Variants in PARD3 observed in about 807,000 individuals in gnomAD.
PARD3 encodes the protein partitioning defective 3 homolog.
Under a neutral mutation model 155.4 loss-of-function variants are expected in PARD3, and 75 were observed. The observed-to-expected ratio is 0.48, with a 90% CI of 0.40 to 0.58. The LOEUF (loss-of-function observed/expected upper bound fraction) is 0.58, where lower values mean the gene tolerates loss of function less well. PARD3 is among the 20% of genes least tolerant of loss of function. PARD3 has a pLI of 0.00. For missense variants in PARD3, 1,642 were observed against 1,721.7 expected, an observed-to-expected ratio of 0.95 and a Z score of 0.82; for synonymous variants, 576 against 610.5, an observed-to-expected ratio of 0.94 and a Z score of 0.83.
intron 1 of PARD3, among the ~76,000 whole-genome samples, chr10:34,756,473 C>CT (rs1564585614): frequency 2.1e-5 from 1 of 48,234 alleles, no homozygotes; most frequent in African/African-American, 6.5e-5. Context: ...TTTTTTTTTT[C>CT]TTATAAAAAA....
intron 5 of PARD3, among the ~76,000 whole-genome samples, chr10:34,430,356 G>A (rs1273045844): frequency 2.0e-5 from 3 of 152,136 alleles, no homozygotes; most frequent in Non-Finnish European, 4.4e-5. Context: ...ACTATTGTAC[G>A]TAATTTACTT....
rs147639874 is a variant in PARD3 at position 34,560,722 on chromosome 10, G to A, written c.223-43563C>T. ...TAATTTGGGGAGATGGGGTGGTTCC[G>A]GAACAGCAGAAACCATGGCGTGTCC... On this transcript the variant is annotated intron_variant, in intron 2 of 24. Transcript: ENST00000374788. Among the ~76,000 whole-genome samples the A allele has an allele frequency of 2.2e-4, 34 of 152,222 alleles. 1 individual carries two copies. In the East Asian group the frequency reaches 6.0e-3, roughly 27 times the overall value.
At chr10:34,433,759 T>C (rs2132568883) in intron 5 of PARD3, among the ~76,000 whole-genome samples, 1 of 152,236 alleles carries the variant, frequency 6.6e-6, no homozygotes, top group Middle Eastern at 3.4e-3. Context: ...TGTAAAAATG[T>C]TTTAAGAGAA....
chr10:34,774,471 T>C (rs1338043396), intron 1 of PARD3, among the ~76,000 whole-genome samples: 1 of 152,222 alleles, frequency 6.6e-6, no homozygotes, highest in African/African-American at 2.4e-5. Flanking sequence ...GTTTCTATGG[T>C]TGAATACCAG....
intron 3 of PARD3, among the ~76,000 whole-genome samples, chr10:34,510,934 TTG>T (rs1378948621): frequency 1.3e-5 from 2 of 152,208 alleles, no homozygotes; most frequent in East Asian, 1.9e-4. Flanking sequence ...AATGCCCAAT[TTG>T]TGTTTTATTC....
In PARD3 at chr10:34,568,098, C is replaced by T. The variant is rs143838516; in HGVS notation, c.223-50939G>A. Among the ~76,000 whole-genome samples the T allele has an allele frequency of 2.6e-5, 4 of 152,296 alleles. No homozygotes were observed. The East Asian group carries it at 7.7e-4, about 29-fold the overall frequency. ...TCTCTCACCTCTGCCTCCCAGTGTC[C>T]ATCTGCAACCACCCTGAACCACATT... is the stretch of plus-strand genomic sequence containing the variant. On this transcript the variant is annotated intron_variant, in intron 2 of 24. Transcript: ENST00000374788.
In PARD3 at chr10:34,313,224, C is replaced by T. The variant is rs75277474; in HGVS notation, c.3065+3883G>A. ...ACACAGACTCAAACTTTGTGCTCCC[C>T]GCTTTGCTCTGCAATCTGCACACAG... On this transcript the variant is annotated intron_variant, in intron 20 of 24. Coordinates refer to ENST00000374788, the MANE Select transcript of PARD3 (RefSeq NM_001184785.2). Among the ~76,000 whole-genome samples the T allele has an allele frequency of 4.5e-3, 689 of 152,266 alleles. 8 individuals carry two copies. Among genetic ancestry groups the T allele is most frequent in the African/African-American group, 0.016 (646 of 41,548 alleles).
chr10:34,717,870 G>A (rs528846208), intron 1 of PARD3, among the ~76,000 whole-genome samples: 17 of 152,126 alleles, frequency 1.1e-4, no homozygotes, highest in Non-Finnish European at 1.8e-4. Context: ...TATTAATTTC[G>A]GGGCCAAGCG....
At chr10:34,514,128 A>G in intron 3 of PARD3, among the ~76,000 whole-genome samples, 1 of 152,330 alleles carries the variant, frequency 6.6e-6, no homozygotes, top group African/African-American at 2.4e-5. Flanking sequence ...TTTTCTATGG[A>G]AAAAAATACA....
chr10:34,472,345 T>C (rs978495112), intron 3 of PARD3, among the ~76,000 whole-genome samples: 2 of 152,150 alleles, frequency 1.3e-5, no homozygotes, highest in Non-Finnish European at 2.9e-5. Flanking sequence ...AAGAACTATA[T>C]AGTCACTCTT....
At chr10:34,377,608 A>G (rs1251636372) in intron 10 of PARD3, among the ~76,000 whole-genome samples, 1 of 151,928 alleles carries the variant, frequency 6.6e-6, no homozygotes. Context: ...AAATAAATAA[A>G]TAAATGGAAA....
rs752148898 is a variant in PARD3 at position 34,470,224 on chromosome 10, A to G, written c.443T>C (p.Leu148Pro). 5 of 1,612,704 alleles carry G rather than the reference A, an allele frequency of 3.1e-6. No homozygotes were observed. In the South Asian group the frequency reaches 5.5e-5, roughly 18 times the overall value. Reference protein sequence around the residue: ...LHVRRSSDPALIGLSTSVSDS... With the variant: ...LHVRRSSDPAPIGLSTSVSDS... ...ACTGACAGAAGTGGAGAGGCCAATT[A>G]GAGCTGGGTCACTACTGCGTCGAAC... The change falls in exon 4 of 25, where the codon CTA becomes CCA. Residue 148 changes from leucine (L) to proline (P), a missense_variant. Physicochemically the swap from Leu to Pro is moderately conservative, Grantham distance 98 (BLOSUM62 -3). This residue lies in a region of PARD3 where 1,529 missense variants were observed against 1,587.3 expected (regional missense o/e 0.96). Transcript: ENST00000374788.
intron 22 of PARD3, among the ~76,000 whole-genome samples, chr10:34,229,241 C>G (rs564125985): frequency 3.0e-4 from 46 of 152,156 alleles, no homozygotes; most frequent in Admixed American, 1.1e-3. Context: ...TATTTAGAGA[C>G]AGAACCTTGC....
At chr10:34,505,604 ACCC>A (rs2133479395) in intron 3 of PARD3, among the ~76,000 whole-genome samples, 1 of 152,172 alleles carries the variant, frequency 6.6e-6, no homozygotes, top group East Asian at 1.9e-4. Context: ...AGCCCTGTGG[ACCC>A]CCAACAGGCA....
At chr10:34,321,171 T>C (rs1958352763) in intron 19 of PARD3, among the ~76,000 whole-genome samples, 1 of 152,204 alleles carries the variant, frequency 6.6e-6, no homozygotes, top group African/African-American at 2.4e-5. Flanking sequence ...AATCTGTACA[T>C]TTAATACTAG....
intron 3 of PARD3, among the ~76,000 whole-genome samples, chr10:34,507,360 T>C (rs1330563629): frequency 2.0e-5 from 3 of 151,868 alleles, no homozygotes; most frequent in African/African-American, 7.3e-5. Context: ...CTCTTCCAAT[T>C]GGCTCTGACC....
chr10:34,447,654 A>G (rs2076819980), intron 5 of PARD3, among the ~76,000 whole-genome samples: 1 of 151,544 alleles, frequency 6.6e-6, no homozygotes. Context: ...TACAAAAAAA[A>G]ATTAGCTGGG....
At position 34,377,365 on chromosome 10, in the gene PARD3, T is replaced by C. The variant is rs184647935; in HGVS notation, c.1539+602A>G. On this transcript the variant is annotated intron_variant, in intron 10 of 24. Transcript: ENST00000374788. ...GGCTAACGTCTGTAATCCCAGCATT[T>C]TGGGAGGCCAAGGCAGGAGTTCAAG... 1.5e-3 allele frequency among the ~76,000 whole-genome samples: 221 copies of C among 152,120 alleles called. 1 individual carries two copies. Among genetic ancestry groups the C allele is most frequent in the African/African-American group, 5.2e-3 (216 of 41,494 alleles).
chr10:34,121,029 G>A (rs1413829308), intron 23 of PARD3, among the ~76,000 whole-genome samples: 1 of 151,006 alleles, frequency 6.6e-6, no homozygotes, highest in Admixed American at 6.6e-5. Context: ...TTGCACTCCA[G>A]CCTGGGTGAT....
Sources: allele counts gnomAD v4.1 joint callset (sites outside exome capture counted in the v4.1 genomes callset), GRCh38; gene constraint gnomAD v4.1.1; regional missense constraint gnomAD v4.1.1; transcripts MANE v1.5; gene names NCBI Gene and HGNC (gene_info 2026-07-23, HGNC 2026-07-21).